Variants in KIAA0825 observed in about 807,000 individuals in gnomAD.
KIAA0825 encodes the protein uncharacterized protein KIAA0825.
A neutral mutation model predicts 147.6 loss-of-function variants in KIAA0825; 119 were observed. The observed-to-expected ratio is 0.81, with a 90% CI of 0.69 to 0.94. The LOEUF is 0.94. Among genes scored for constraint, KIAA0825 ranks in the 40% least tolerant of loss-of-function variants. KIAA0825 has a pLI of 0.00. For missense variants in KIAA0825, 1,381 were observed against 1,472.7 expected, an observed-to-expected ratio of 0.94 and a Z score of 1.02; for synonymous variants, 470 against 518.1, an observed-to-expected ratio of 0.91 and a Z score of 1.26.
intron 20 of KIAA0825, among the ~76,000 whole-genome samples, chr5:94,358,204 C>T (rs1302385794): frequency 6.6e-6 from 1 of 152,110 alleles, no homozygotes; most frequent in Non-Finnish European, 1.5e-5. Flanking sequence ...GGCAGCACTG[C>T]AACTGCTTTT....
At position 94,153,006 on chromosome 5, in the gene KIAA0825, A is replaced by T. The variant is rs1389880568; in HGVS notation, c.*1001T>A. The T allele has an allele frequency of 1.4e-5, 2 of 147,212 alleles. No homozygotes were observed. Among genetic ancestry groups the T allele is most frequent in the Non-Finnish European group, 1.5e-5 (1 of 66,912 alleles). The allele number at this position is 147,212 out of a possible 1,614,324, so 9.1% of individuals were successfully genotyped here. ...AATCAATTGTGTTCGTTAACTGTCC[A>T]CTTGATGAAATAACACTGTAGTAGG... is the stretch of plus-strand genomic sequence containing the variant. On this transcript the variant is annotated 3_prime_UTR_variant, in exon 21 of 21. Coordinates refer to ENST00000682413, the MANE Select transcript of KIAA0825 (RefSeq NM_001145678.3).
Position 94,506,197 on chromosome 5 carries a change from C to T in KIAA0825, c.970+14051G>A, listed in dbSNP as rs1475161006. 3.9e-5 allele frequency among the ~76,000 whole-genome samples: 6 copies of T among 152,224 alleles called. No homozygotes were observed. The South Asian group carries it at 1.2e-3, about 32-fold the overall frequency. ...CCAATGATCAATAGGTACTACCCAT[C>T]CCGCATGAATGCCTTACATAGTCTA... On this transcript the variant is annotated intron_variant, in intron 5 of 20. Coordinates refer to ENST00000682413, the MANE Select transcript of KIAA0825 (RefSeq NM_001145678.3).
chr5:94,259,775 A>C (rs2150130597), intron 20 of KIAA0825, among the ~76,000 whole-genome samples: 1 of 152,042 alleles, frequency 6.6e-6, no homozygotes, highest in East Asian at 1.9e-4. Flanking sequence ...GCAGCAATCT[A>C]ATTTATATTA....
chr5:94,493,777 C>T (rs1180281479), intron 5 of KIAA0825, among the ~76,000 whole-genome samples: 3 of 152,072 alleles, frequency 2.0e-5, no homozygotes, highest in Admixed American at 6.6e-5. Flanking sequence ...GGTGAGTCAC[C>T]GCGCCTGGCC....
chr5:94,196,441 T>C (rs1771133023), intron 20 of KIAA0825, among the ~76,000 whole-genome samples: 1 of 152,188 alleles, frequency 6.6e-6, no homozygotes, highest in African/African-American at 2.4e-5. Flanking sequence ...CTGCTTTATT[T>C]TCTACTGACG....
intron 20 of KIAA0825, among the ~76,000 whole-genome samples, chr5:94,337,517 T>G (rs1018812314): frequency 6.6e-6 from 1 of 152,214 alleles, no homozygotes; most frequent in African/African-American, 2.4e-5. Context: ...ATCAAGTTAG[T>G]TCTGTAATTT....
chr5:94,533,502 C>T (rs1219615555), intron 3 of KIAA0825, among the ~76,000 whole-genome samples: 1 of 151,716 alleles, frequency 6.6e-6, no homozygotes, highest in Non-Finnish European at 1.5e-5. Flanking sequence ...GTCTCGAACT[C>T]CTGACTTTGT....
intron 20 of KIAA0825, among the ~76,000 whole-genome samples, chr5:94,274,567 G>A (rs141598512): frequency 1.2e-4 from 18 of 152,108 alleles, no homozygotes; most frequent in African/African-American, 1.7e-4. Flanking sequence ...ATAAATGATC[G>A]CCATAATGAG....
At chr5:94,416,790 C>T (rs755740032) in intron 15 of KIAA0825, 20 of 172,318 alleles carry the variant, frequency 1.2e-4, no homozygotes, top group Non-Finnish European at 1.9e-4. Context: ...ATGCCTTATA[C>T]ATCTGAAGAA....
chr5:94,239,794 T>C (rs1327653044), intron 20 of KIAA0825, among the ~76,000 whole-genome samples: 5 of 152,184 alleles, frequency 3.3e-5, no homozygotes, highest in African/African-American at 1.2e-4. Context: ...TTATTTACAA[T>C]TACTTAATTA....
At chr5:94,398,042 G>A (rs2150592060) in intron 16 of KIAA0825, among the ~76,000 whole-genome samples, 1 of 137,698 alleles carries the variant, frequency 7.3e-6, no homozygotes, top group East Asian at 2.2e-4. Context: ...CCTGTTAAAT[G>A]TTCCTTCATA....
intron 20 of KIAA0825, among the ~76,000 whole-genome samples, chr5:94,179,396 G>C (rs1023460020): frequency 2.0e-5 from 3 of 152,108 alleles, no homozygotes; most frequent in Non-Finnish European, 4.4e-5. Flanking sequence ...GGAAAAGGGA[G>C]CTGACTTACA....
chr5:94,360,453 A>G (rs1462584399), intron 20 of KIAA0825, among the ~76,000 whole-genome samples: 2 of 152,162 alleles, frequency 1.3e-5, no homozygotes, highest in South Asian at 2.1e-4. Context: ...ATTCTAAGTC[A>G]CAGGATGAGA....
At chr5:94,245,481 C>T (rs1775557571) in intron 20 of KIAA0825, among the ~76,000 whole-genome samples, 1 of 152,102 alleles carries the variant, frequency 6.6e-6, no homozygotes, top group Non-Finnish European at 1.5e-5. Context: ...AAAGAGCAGC[C>T]TGTTTGAACC....
At chr5:94,462,106 T>C (rs1344538765) in intron 12 of KIAA0825, among the ~76,000 whole-genome samples, 1 of 151,930 alleles carries the variant, frequency 6.6e-6, no homozygotes, top group Non-Finnish European at 1.5e-5. Flanking sequence ...ACAACCCAAA[T>C]AGTGAAACTA....
At chr5:94,502,516 C>CAT (rs1283285371) in intron 5 of KIAA0825, among the ~76,000 whole-genome samples, 3 of 151,928 alleles carry the variant, frequency 2.0e-5, no homozygotes, top group Non-Finnish European at 4.4e-5. Context: ...CTTATATGTG[C>CAT]ATAAGAAAAA....
chr5:94,593,632 G>T, intron 1 of KIAA0825: 1 of 473,472 alleles, frequency 2.1e-6, no homozygotes, highest in Non-Finnish European at 4.0e-6. Context: ...GTAAGCCCTG[G>T]TAGTGTTGGG....
At chr5:94,585,101 G>C (rs768600427) in intron 1 of KIAA0825, among the ~76,000 whole-genome samples, 2 of 152,152 alleles carry the variant, frequency 1.3e-5, no homozygotes, top group African/African-American at 2.4e-5. Flanking sequence ...AAATTATAAA[G>C]ACTATCAATG....
rs148995794 is a variant in KIAA0825, at chr5:94,240,669, A to G, written c.3711-86545T>C. On this transcript the variant is annotated intron_variant, in intron 20 of 20. Coordinates refer to ENST00000682413, the MANE Select transcript of KIAA0825 (RefSeq NM_001145678.3). Reference sequence around the variant, plus strand: ...AAAATAAGACAAATAAATGGATACTATAACAGGGGTGTGGGGTTGCCAGAC... The same window carrying G: ...AAAATAAGACAAATAAATGGATACTGTAACAGGGGTGTGGGGTTGCCAGAC... Among the ~76,000 whole-genome samples the G allele has an allele frequency of 2.5e-3, 381 of 152,358 alleles. 3 individuals are homozygous for G. The highest frequency in any genetic ancestry group is 8.8e-3 in the African/African-American group (368 of 41,592).
Sources: gnomAD v4.1 joint callset for allele counts (sites outside exome capture counted in the v4.1 genomes callset) on GRCh38, gnomAD v4.1.1 for gene constraint, MANE v1.5 for transcripts, NCBI Gene and HGNC (gene_info 2026-07-23, HGNC 2026-07-21) for gene names.